The following CCDC34 variants were observed in gnomAD, a reference collection of about 807,000 sequenced individuals.
The protein encoded by CCDC34 is coiled-coil domain containing 34.
Under a neutral mutation model 44.1 loss-of-function variants are expected in CCDC34, and 40 were observed. The ratio of observed to expected loss-of-function variants is 0.91; its 90% CI spans 0.70 to 1.18. The LOEUF (loss-of-function observed/expected upper bound fraction) is 1.18, where lower values mean the gene tolerates loss of function less well. Ranked by LOEUF, CCDC34 falls within the 50% of genes most tolerant of loss-of-function variation. The probability of loss-of-function intolerance (pLI) is 0.00; values close to 1 mark genes in which losing one functional copy is unlikely to be tolerated. For missense variants in CCDC34, 466 were observed against 452.3 expected, an observed-to-expected ratio of 1.03 and a Z score of -0.28; for synonymous variants, 159 against 158.2, an observed-to-expected ratio of 1.01 and a Z score of -0.04.
chr11:27,342,687 C>T (rs185159821), intron 3 of CCDC34, among the ~76,000 whole-genome samples: 6 of 152,254 alleles, frequency 3.9e-5, no homozygotes, highest in East Asian at 1.9e-4. Flanking sequence ...TTTTGCACTA[C>T]GACAGCAAAG....
intron 3 of CCDC34, chr11:27,349,494 T>C: frequency 2.2e-6 from 2 of 888,892 alleles, no homozygotes; most frequent in Non-Finnish European, 2.7e-6. Flanking sequence ...GATAAAAAGT[T>C]AGAATTAAAA....
At chr11:27,354,132 T>C (rs936486345) in intron 2 of CCDC34, among the ~76,000 whole-genome samples, 1 of 152,228 alleles carries the variant, frequency 6.6e-6, no homozygotes. Context: ...AGCTGAGTAG[T>C]TGGCCTATAT....
chr11:27,348,826 A>T, intron 3 of CCDC34: 1 of 939,100 alleles, frequency 1.1e-6, no homozygotes, highest in Non-Finnish European at 1.3e-6. Context: ...AAAAAAGAAT[A>T]ATCAATTATT....
intron 3 of CCDC34, chr11:27,349,751 G>A (rs767613855): frequency 7.0e-5 from 67 of 953,280 alleles, no homozygotes; most frequent in Admixed American, 1.9e-4. Flanking sequence ...TATATCATGC[G>A]CAGGTATTCA....
intron 3 of CCDC34, 138 bp from the exon 4 acceptor site, chr11:27,341,688 T>A: frequency 2.0e-6 from 1 of 512,226 alleles, no homozygotes; most frequent in Non-Finnish European, 3.4e-6. Context: ...TGGCACAACA[T>A]GGTTTATGAA....
intron 2 of CCDC34, among the ~76,000 whole-genome samples, chr11:27,351,369 A>T (rs1266772014): frequency 2.0e-5 from 3 of 152,196 alleles, no homozygotes; most frequent in Non-Finnish European, 4.4e-5. Context: ...AAATGAAGAT[A>T]AAACTTGACA....
At chr11:27,346,349 C>A (rs559943440) in intron 3 of CCDC34, among the ~76,000 whole-genome samples, 1 of 147,266 alleles carries the variant, frequency 6.8e-6, no homozygotes, top group South Asian at 2.2e-4. Context: ...GAGCCAAGAT[C>A]ATGCCACTGC....
At chr11:27,352,645 ATAAC>A (rs1196891779) in intron 2 of CCDC34, among the ~76,000 whole-genome samples, 2 of 152,202 alleles carry the variant, frequency 1.3e-5, no homozygotes, top group Non-Finnish European at 2.9e-5. Flanking sequence ...ATTTAAATGT[ATAAC>A]TAAAGACATG....
rs753949438 is a variant in CCDC34, at chr11:27,363,005, T to C, written c.190A>G (p.Arg64Gly). 18 of 1,613,990 alleles carry C rather than the reference T, an allele frequency of 1.1e-5. No individual in the cohort carries two copies. In the African/African-American group the frequency reaches 1.5e-4, roughly 13 times the overall value. ...TGGCCAAGGGGAGACAACAGCGACC[T>C]GGTGGAATTGCTGCAGCTCAGCGGC... Reference protein sequence around the residue: ...PLPLSCSNSTRSLLSPLGHQS... With the variant: ...PLPLSCSNSTGSLLSPLGHQS... The change falls in exon 1 of 6, where the codon AGG (arginine) becomes GGG (glycine). Residue 64 changes from arginine (R) to glycine (G), a missense_variant. Arg to Gly is a moderately radical substitution (Grantham distance 125, BLOSUM62 -2). Coordinates refer to ENST00000328697, the MANE Select transcript of CCDC34 (RefSeq NM_030771.2).
intron 5 of CCDC34, 143 bp from the exon 6 acceptor site, chr11:27,339,178 A>T: frequency 3.2e-6 from 2 of 618,294 alleles, no homozygotes; most frequent in Non-Finnish European, 5.6e-6. Flanking sequence ...TGAAACTTAA[A>T]CTCCTTGATA....
At chr11:27,344,508 T>C (rs1862407000) in intron 3 of CCDC34, among the ~76,000 whole-genome samples, 1 of 151,750 alleles carries the variant, frequency 6.6e-6, no homozygotes, top group South Asian at 2.1e-4. Flanking sequence ...ACATTACATA[T>C]ATGCTATAAA....
chr11:27,359,870 G>A (rs963786211), intron 1 of CCDC34, among the ~76,000 whole-genome samples: 3 of 152,112 alleles, frequency 2.0e-5, no homozygotes, highest in Non-Finnish European at 4.4e-5. Context: ...GCACTGCCTG[G>A]AGCCACAACT....
chr11:27,348,343 GA>G (rs1373140337), intron 3 of CCDC34, among the ~76,000 whole-genome samples: 3 of 152,090 alleles, frequency 2.0e-5, no homozygotes, highest in African/African-American at 7.2e-5. Flanking sequence ...TGTGTTTTGA[GA>G]ACGAAAAACG....
intron 3 of CCDC34, among the ~76,000 whole-genome samples, chr11:27,346,930 G>C (rs1034506423): frequency 3.9e-5 from 6 of 152,128 alleles, no homozygotes; most frequent in Non-Finnish European, 8.8e-5. Flanking sequence ...AGCCCTGTGG[G>C]GACATAAAAA....
Position 27,350,376 on chromosome 11 carries a change from C to T in CCDC34, c.562G>A (p.Ala188Thr), listed in dbSNP as rs771420586. 6.2e-7 allele frequency: 1 copy of T among 1,613,330 alleles called. No individual in the cohort carries two copies. The highest frequency in any genetic ancestry group is 8.5e-7 in the Non-Finnish European group (1 of 1,179,722). Residue 188 changes from alanine to threonine, a missense_variant, in exon 3 of 6, where the codon GCT (alanine) becomes ACT (threonine). Coordinates refer to ENST00000328697, the MANE Select transcript of CCDC34 (RefSeq NM_030771.2). ...ACCCATTCCTTGTGCTTTTCTTCAGCAATTATCTTTCTTTTTTCACGTTCT... is the reference window on the plus strand; with the variant it reads ...ACCCATTCCTTGTGCTTTTCTTCAGTAATTATCTTTCTTTTTTCACGTTCT... Reference protein sequence around the residue: ...MEEREKRKIIAEEKHKEWVQK... With the variant: ...MEEREKRKIITEEKHKEWVQK...
intron 2 of CCDC34, 22 bp downstream of exon 2, chr11:27,357,381 A>G: frequency 6.3e-7 from 1 of 1,598,950 alleles, no homozygotes; most frequent in Non-Finnish European, 8.5e-7. Flanking sequence ...GATTAAATAA[A>G]AAGAACACTG....
chr11:27,363,097 C>T lies in CCDC34; in HGVS notation c.98G>A (p.Cys33Tyr), dbSNP rs770511549. ...RPRSRPSSDS[C>Y]SVPMTGARGQ... ...ACGTGCGCCCGTCATAGGGACTGAG[C>T]AGGAGTCCGAGGAGGGCCGAGACCT... The change falls in exon 1 of 6, where the codon TGC becomes TAC. Residue 33 changes from cysteine (C) to tyrosine (Y), a missense_variant. Transcript: ENST00000328697. The T allele has an allele frequency of 2.2e-5, 35 of 1,602,290 alleles. No individual in the cohort carries two copies. The East Asian group carries it at 7.8e-4, about 36-fold the overall frequency.
intron 2 of CCDC34, 123 bp downstream of exon 2, chr11:27,357,279 AG>A: frequency 1.2e-6 from 1 of 854,090 alleles, no homozygotes; most frequent in Non-Finnish European, 1.7e-6. Flanking sequence ...AATTTGATAT[AG>A]TAAACTAACA....
Position 27,363,129 on chromosome 11 carries a change from G to A in CCDC34, c.66C>T (p.Cys22=). 6.4e-7 allele frequency: 1 copy of A among 1,552,098 alleles called. No homozygotes were observed. Among genetic ancestry groups the A allele is most frequent in the Non-Finnish European group, 8.7e-7 (1 of 1,150,872 alleles). ...CCGAGGAGGGCCGAGACCTGGGTCTGCAGTCAGCAGAGAAACCGGCGTAGG... is the reference window on the plus strand; with the variant it reads ...CCGAGGAGGGCCGAGACCTGGGTCTACAGTCAGCAGAGAAACCGGCGTAGG... The part of the protein sequence containing the change: ...PSSYAGFSAD[C]RPRSRPSSDS... The change falls in exon 1 of 6, where the codon TGC becomes TGT. Residue 22 remains cysteine, a synonymous_variant. Transcript: ENST00000328697.
Sources: gnomAD v4.1 joint callset for allele counts (sites outside exome capture counted in the v4.1 genomes callset) on GRCh38, gnomAD v4.1.1 for gene constraint, MANE v1.5 for transcripts, NCBI Gene and HGNC (gene_info 2026-07-23, HGNC 2026-07-21) for gene names.